The following KDM2B variants were observed in gnomAD, a reference collection of about 807,000 sequenced individuals.
The protein encoded by KDM2B is lysine demethylase 2B, also known as lysine-specific demethylase 2B.
A neutral mutation model predicts 150.0 loss-of-function variants in KDM2B; 26 were observed. That is an observed-to-expected ratio of 0.17 (90% CI 0.13 to 0.24). The LOEUF (loss-of-function observed/expected upper bound fraction) is 0.24, where lower values mean the gene tolerates loss of function less well. KDM2B is among the 10% of genes least tolerant of loss of function. The pLI, the probability that KDM2B is intolerant of heterozygous loss-of-function variation, is 1.00. For missense variants in KDM2B, 1,265 were observed against 1,816.9 expected (o/e 0.70, Z 5.52); for synonymous variants, 734 against 729.5 (o/e 1.01, Z -0.10).
At chr12:121,557,923 C>T (rs1438939905) in intron 4 of KDM2B, among the ~76,000 whole-genome samples, 1 of 152,174 alleles carries the variant, frequency 6.6e-6, no homozygotes, top group Non-Finnish European at 1.5e-5. Flanking sequence ...CCTCCCCTTG[C>T]CTCCCTCCCA....
downstream of KDM2B, among the ~76,000 whole-genome samples, chr12:121,426,078 G>T (rs1368020471): frequency 6.6e-6 from 1 of 152,100 alleles, no homozygotes; most frequent in Non-Finnish European, 1.5e-5. Context: ...CTCCAAATTG[G>T]TAACTTGGTG....
chr12:121,460,911 G>A (rs1181501630), intron 12 of KDM2B, among the ~76,000 whole-genome samples: 1 of 152,104 alleles, frequency 6.6e-6, no homozygotes, highest in African/African-American at 2.4e-5. Context: ...TAATCTATGA[G>A]GAAGGAATTA....
the KDM2B span, among the ~76,000 whole-genome samples, chr12:121,412,748 G>GCGA: frequency 1.5e-5 from 2 of 130,932 alleles, no homozygotes; most frequent in Admixed American, 1.6e-4. Flanking sequence ...TTTTTGAGAT[G>GCGA]GAGTCTCGCT....
At chr12:121,497,449 C>T (rs1029684281) in intron 11 of KDM2B, among the ~76,000 whole-genome samples, 5 of 152,006 alleles carry the variant, frequency 3.3e-5, no homozygotes, top group African/African-American at 7.2e-5. Flanking sequence ...GGATTACAGG[C>T]GTGTGCCACC....
chr12:121,580,604 G>C, intron 1 of KDM2B, 182 bp downstream of exon 1: 2 of 1,015,890 alleles, frequency 2.0e-6, no homozygotes, highest in Middle Eastern at 3.4e-4. Flanking sequence ...GGGGCGGGGA[G>C]GGAGGTGCAG....
intron 13 of KDM2B, among the ~76,000 whole-genome samples, chr12:121,449,695 T>C (rs1555291136): frequency 6.6e-6 from 1 of 152,232 alleles, no homozygotes; most frequent in Non-Finnish European, 1.5e-5. Context: ...ACAGTTGCTA[T>C]AGACAAGCTC....
intron 12 of KDM2B, among the ~76,000 whole-genome samples, chr12:121,456,268 G>A (rs1648283408): frequency 6.6e-6 from 1 of 152,248 alleles, no homozygotes; most frequent in Non-Finnish European, 1.5e-5. Context: ...TTCCCAGCTA[G>A]TGCCACGATG....
chr12:121,579,218 C>T (rs1429732949), intron 1 of KDM2B, among the ~76,000 whole-genome samples: 1 of 152,264 alleles, frequency 6.6e-6, no homozygotes, highest in Non-Finnish European at 1.5e-5. Flanking sequence ...CCTCCCCTGC[C>T]CCCCGCCCCC....
At chr12:121,534,402 G>T in intron 7 of KDM2B, 95 bp downstream of exon 7, 2 of 864,718 alleles carry the variant, frequency 2.3e-6, no homozygotes, top group Non-Finnish European at 3.9e-6. Context: ...GGGCTGGTTG[G>T]AGGAGGGAGG....
chr12:121,509,542 A>T lies in KDM2B; in HGVS notation c.1647+25T>A, dbSNP rs782395628. The stretch of plus-strand genomic sequence containing the variant: ...CCTGCCCGGCCCTCCTCGGCCGCCC[A>T]GCCCCAGACGCCACTCCTGCCCACC... On this transcript the variant is annotated intron_variant, in intron 11 of 22. Coordinates refer to ENST00000377071, the MANE Select transcript of KDM2B (RefSeq NM_032590.5). 5.0e-6 allele frequency: 8 copies of T among 1,604,266 alleles called. No individual in the cohort carries two copies. In the Admixed American group the frequency reaches 1.2e-4, roughly 24 times the overall value.
At chr12:121,529,940 A>G (rs1409000199) in intron 8 of KDM2B, among the ~76,000 whole-genome samples, 1 of 150,514 alleles carries the variant, frequency 6.6e-6, no homozygotes, top group Non-Finnish European at 1.5e-5. Context: ...AAAAAAAAAA[A>G]AAAGAAGAGC....
Position 121,452,177 on chromosome 12 carries a change from G to T in KDM2B, c.1959+943C>A, listed in dbSNP as rs1877400097. On this transcript the variant is annotated intron_variant, in intron 13 of 22. Transcript: ENST00000377071. The surrounding 1 kb of genome is among the most constrained non-coding windows in gnomAD (Gnocchi z 4.4). ...GGGAAAGGGGAGTAGAGCTTCAGTGGGTATGGAGTTTCAGTTTTGCAAAAT... is the reference window on the plus strand; with the variant it reads ...GGGAAAGGGGAGTAGAGCTTCAGTGTGTATGGAGTTTCAGTTTTGCAAAAT... Among the ~76,000 whole-genome samples the T allele has an allele frequency of 6.6e-6, 1 of 152,104 alleles. No homozygotes were observed. Among genetic ancestry groups the T allele is most frequent in the South Asian group, 2.1e-4 (1 of 4,834 alleles).
chr12:121,507,369 A>G (rs1885181289), intron 11 of KDM2B, among the ~76,000 whole-genome samples: 1 of 152,340 alleles, frequency 6.6e-6, no homozygotes, highest in African/African-American at 2.4e-5. Context: ...ATCTCAAAAA[A>G]ATAAAAGTAC....
intron 4 of KDM2B, among the ~76,000 whole-genome samples, chr12:121,561,451 C>T (rs993482886): frequency 6.6e-6 from 1 of 152,186 alleles, no homozygotes; most frequent in African/African-American, 2.4e-5. Context: ...TTTGAAATAG[C>T]AGTGAGGCCT....
chr12:121,565,792 A>AT (rs1555314782), intron 4 of KDM2B, among the ~76,000 whole-genome samples: 1 of 149,852 alleles, frequency 6.7e-6, no homozygotes, highest in East Asian at 2.0e-4. Context: ...CACCCGGCTT[A>AT]TTTTTTGTAT....
intron 6 of KDM2B, among the ~76,000 whole-genome samples, chr12:121,545,789 A>T (rs1888988654): frequency 6.6e-6 from 1 of 152,130 alleles, no homozygotes; most frequent in African/African-American, 2.4e-5. Context: ...AGCTGTTCTT[A>T]CAGGAAATGC....
chr12:121,519,505 A>C (rs1299721945), intron 9 of KDM2B, among the ~76,000 whole-genome samples: 1 of 152,264 alleles, frequency 6.6e-6, no homozygotes, highest in Non-Finnish European at 1.5e-5. Flanking sequence ...GGAAATCATT[A>C]TGCTACATGA....
At chr12:121,463,666 G>A (rs1217137953) in intron 12 of KDM2B, among the ~76,000 whole-genome samples, 3 of 152,222 alleles carry the variant, frequency 2.0e-5, no homozygotes, top group African/African-American at 4.8e-5. Context: ...CTGCAGCTTC[G>A]AACTCCTGCG....
chr12:121,528,877 G>C (rs911965918), intron 8 of KDM2B, among the ~76,000 whole-genome samples: 1 of 152,196 alleles, frequency 6.6e-6, no homozygotes, highest in Non-Finnish European at 1.5e-5. Context: ...TGGGTAACAA[G>C]AGTGAAACTC....
Sources: allele counts gnomAD v4.1 joint callset (sites outside exome capture counted in the v4.1 genomes callset), GRCh38; gene constraint gnomAD v4.1.1; non-coding constraint Gnocchi (gnomAD v3.1); transcripts MANE v1.5; gene names NCBI Gene and HGNC (gene_info 2026-07-23, HGNC 2026-07-21).